STK32A: variants seen among roughly 807,000 people sequenced by gnomAD.
The protein encoded by STK32A is serine/threonine-protein kinase 32A.
STK32A carries 41 observed loss-of-function variants against 53.2 expected under a neutral mutation model. That is an observed-to-expected ratio of 0.77 (90% confidence interval 0.60 to 1.00). The LOEUF (loss-of-function observed/expected upper bound fraction) is 1.00. Ranked by LOEUF, STK32A falls within the 50% of genes least tolerant of loss-of-function variation. STK32A has a pLI of 0.00. For synonymous variants in STK32A, 166 were observed against 162.8 expected, an observed-to-expected ratio of 1.02 and a Z score of -0.15; for missense variants, 458 against 485.8, an observed-to-expected ratio of 0.94 and a Z score of 0.54.
At chr5:147,382,938 T>C (rs1411686008) in intron 11 of STK32A, 1 of 153,734 alleles carries the variant, frequency 6.5e-6, no homozygotes, top group African/African-American at 2.4e-5. Flanking sequence ...TGCACCTCTG[T>C]GATCAGAAGC....
At chr5:147,322,537 C>A (rs1202180571) in intron 4 of STK32A, among the ~76,000 whole-genome samples, 2 of 152,150 alleles carry the variant, frequency 1.3e-5, no homozygotes, top group Non-Finnish European at 2.9e-5. Flanking sequence ...ACATTTATTT[C>A]CTCAGCAAAT....
At chr5:147,397,898 G>C in the STK32A span, 7 of 830,934 alleles carry the variant, frequency 8.4e-6, no homozygotes, top group Non-Finnish European at 1.2e-5. Flanking sequence ...AAAGAGGAAC[G>C]TACCTTCTCT....
chr5:147,310,866 T>C (rs1184521482), intron 4 of STK32A, among the ~76,000 whole-genome samples: 1 of 152,152 alleles, frequency 6.6e-6, no homozygotes, highest in Non-Finnish European at 1.5e-5. Flanking sequence ...AAAATAATAA[T>C]AGCAAAATTT....
At chr5:147,367,722 A>C (rs542670972) in intron 8 of STK32A, among the ~76,000 whole-genome samples, 1 of 152,296 alleles carries the variant, frequency 6.6e-6, no homozygotes, top group African/African-American at 2.4e-5. Flanking sequence ...GAATATCATC[A>C]GTTAAGGCAG....
intron 4 of STK32A, among the ~76,000 whole-genome samples, chr5:147,282,117 A>C (rs1752091796): frequency 6.6e-6 from 1 of 152,236 alleles, no homozygotes; most frequent in South Asian, 2.1e-4. Context: ...CTAAATCTTA[A>C]AACAAATCCT....
At chr5:147,319,165 C>T (rs1194703808) in intron 4 of STK32A, among the ~76,000 whole-genome samples, 62 of 127,496 alleles carry the variant, frequency 4.9e-4, no homozygotes, top group Admixed American at 1.8e-3. Context: ...TTTTTTGAGA[C>T]GGAGTCTCGC....
chr5:147,239,768 A>G lies in STK32A; in HGVS notation c.52+82A>G, dbSNP rs1561661256. 5 of 1,100,998 alleles carry G rather than the reference A, an allele frequency of 4.5e-6. No individual in the cohort carries two copies. The East Asian group carries it at 1.3e-4, about 28-fold the overall frequency. The allele number at this position is 1,100,998 out of a possible 1,614,324, so 68.2% of individuals were successfully genotyped here. A position where few individuals can be genotyped will look rare whatever the true frequency, so the allele number is the denominator to read the frequency against. On this transcript the variant is annotated intron_variant, in intron 2 of 12. Coordinates refer to ENST00000397936, the MANE Select transcript of STK32A (RefSeq NM_001112724.2). ...ATGCTTCTAGTTTCATAAGTTAAGC[A>G]TAAGCATGGTCTGTAGGGCCTTGAA...
chr5:147,303,813 A>C (rs924520247), intron 4 of STK32A, among the ~76,000 whole-genome samples: 4 of 152,194 alleles, frequency 2.6e-5, no homozygotes, highest in African/African-American at 9.6e-5. Context: ...GCAAAAGTAG[A>C]GAAGAAGGGA....
intron 4 of STK32A, among the ~76,000 whole-genome samples, chr5:147,316,311 A>G (rs1169424916): frequency 6.6e-6 from 1 of 152,358 alleles, no homozygotes; most frequent in East Asian, 1.9e-4. Context: ...ACCTTTGAAT[A>G]TGTGTATATT....
intron 4 of STK32A, among the ~76,000 whole-genome samples, chr5:147,313,155 A>G (rs78241038): frequency 0.061 from 9,296 of 151,902 alleles, 508 homozygotes; most frequent in East Asian, 0.21. Context: ...GGACAGGTTG[A>G]GCCTTGGAAG....
Position 147,268,792 on chromosome 5 carries a change from TGATGAGTGACA to T in STK32A, c.53-9328_53-9318del, listed in dbSNP as rs531240505. 3.2e-3 allele frequency among the ~76,000 whole-genome samples: 490 copies of T among 152,200 alleles called. 10 individuals are homozygous for T. The highest frequency in any genetic ancestry group is 8.7e-4 in the Non-Finnish European group (59 of 68,018). ...GGCATCTGGCTAGGGATGTGAGAGA[TGATGAGTGACA>T]GATACAGTGACAGCAAGTGGTTGAT... On this transcript the variant is annotated intron_variant, in intron 2 of 12. Coordinates refer to ENST00000397936, the MANE Select transcript of STK32A (RefSeq NM_001112724.2).
chr5:147,291,373 T>G (rs925374163), intron 4 of STK32A, among the ~76,000 whole-genome samples: 4 of 151,972 alleles, frequency 2.6e-5, no homozygotes, highest in African/African-American at 7.3e-5. Flanking sequence ...AGAAGCAAAA[T>G]TGGGATGGCA....
chr5:147,241,914 C>T (rs1201602359), intron 2 of STK32A, among the ~76,000 whole-genome samples: 1 of 152,280 alleles, frequency 6.6e-6, no homozygotes, highest in Non-Finnish European at 1.5e-5. Flanking sequence ...AGTAGAATAG[C>T]ATTATGATGA....
intron 2 of STK32A, among the ~76,000 whole-genome samples, chr5:147,276,582 T>A (rs1755270451): frequency 6.6e-6 from 1 of 152,170 alleles, no homozygotes; most frequent in Non-Finnish European, 1.5e-5. Context: ...AAGACCTGGC[T>A]AAGTGAGAAC....
intron 2 of STK32A, among the ~76,000 whole-genome samples, chr5:147,266,363 C>T (rs1228147224): frequency 6.6e-6 from 1 of 152,144 alleles, no homozygotes; most frequent in South Asian, 2.1e-4. Context: ...GAACAACATT[C>T]AAATGAGGAC....
chr5:147,356,852 A>T (rs561747946), intron 7 of STK32A, among the ~76,000 whole-genome samples: 96 of 152,338 alleles, frequency 6.3e-4, no homozygotes, highest in African/African-American at 2.3e-3. Context: ...AAGTATTTCA[A>T]ATAGGGGATA....
In STK32A at chr5:147,384,288, T is replaced by C. The variant is rs566064347; in HGVS notation, c.*305T>C. ...GCCATACCCTGCCTTTTTAGTGCTATAGTTGTTATTCTAAACCGCCTTTAT... is the reference window on the plus strand; with the variant it reads ...GCCATACCCTGCCTTTTTAGTGCTACAGTTGTTATTCTAAACCGCCTTTAT... On this transcript the variant is annotated 3_prime_UTR_variant, in exon 13 of 13. Transcript: ENST00000397936. 338 of 1,361,374 alleles carry C rather than the reference T, an allele frequency of 2.5e-4. 4 individuals are homozygous for C. The East Asian group carries it at 8.5e-3, about 34-fold the overall frequency. 84.3% of individuals were successfully genotyped at this position (1,361,374 alleles called of 1,614,324 possible). A position where few individuals can be genotyped will look rare whatever the true frequency, so the allele number is the denominator to read the frequency against.
At chr5:147,245,954 T>C (rs753850020) in intron 2 of STK32A, among the ~76,000 whole-genome samples, 59 of 152,114 alleles carry the variant, frequency 3.9e-4, no homozygotes, top group Admixed American at 3.3e-3. Flanking sequence ...CCAAAAGAAA[T>C]AGGAGGTTGC....
Position 147,323,898 on chromosome 5 carries a change from G to C in STK32A, c.261G>C (p.Trp87Cys), listed in dbSNP as rs1183816458. ...GLEHPFLVNL[W>C]YSFQDEEDMF... The stretch of plus-strand genomic sequence containing the variant: ...GTTTTCTCTTCTAATGTAATTCCAG[G>C]TATTCCTTCCAAGATGAGGAAGACA... Residue 87 changes from tryptophan to cysteine, a missense_variant and splice_region_variant, in exon 5 of 13, where the codon TGG becomes TGC. Physicochemically the swap from Trp to Cys is radical, Grantham distance 215. Coordinates refer to ENST00000397936, the MANE Select transcript of STK32A (RefSeq NM_001112724.2). The C allele has an allele frequency of 6.2e-7, 1 of 1,611,538 alleles. No individual in the cohort carries two copies. The highest frequency in any genetic ancestry group is 2.2e-5 in the East Asian group (1 of 44,832).
Sources: gnomAD v4.1 joint callset for allele counts (sites outside exome capture counted in the v4.1 genomes callset) on GRCh38, gnomAD v4.1.1 for gene constraint, MANE v1.5 for transcripts, NCBI Gene and HGNC (gene_info 2026-07-23, HGNC 2026-07-21) for gene names.